Variants in YIF1B observed in about 807,000 individuals in gnomAD.
YIF1B encodes Yip1 interacting factor homolog B, membrane trafficking protein, also known as protein YIF1B.
A neutral mutation model predicts 34.6 loss-of-function variants in YIF1B; 24 were observed. The observed-to-expected ratio is 0.69, with a 90% CI of 0.50 to 0.98. The LOEUF is 0.98. Ranked by LOEUF, YIF1B falls within the 50% of genes least tolerant of loss-of-function variation. The pLI is 0.00. For synonymous variants in YIF1B, 186 were observed against 184.8 expected, an observed-to-expected ratio of 1.01 and a Z score of -0.05; for missense variants, 368 against 429.4, an observed-to-expected ratio of 0.86 and a Z score of 1.26.
chr19:38,304,281 C>G lies in YIF1B; in HGVS notation c.*1071G>C. 6.2e-7 allele frequency: 1 copy of G among 1,613,746 alleles called. No homozygotes were observed. Among genetic ancestry groups the G allele is most frequent in the African/African-American group, 1.3e-5 (1 of 75,066 alleles). On this transcript the variant is annotated 3_prime_UTR_variant, in exon 8 of 8. Coordinates refer to ENST00000339413, the MANE Select transcript of YIF1B (RefSeq NM_001039672.3). ...ACCGCCATGGAGTTCGACCTGGGAG[C>G]AGGTGAGCTCCTGGGGAGTGTGGAC...
chr19:38,320,836 G>A (rs1346746516), upstream of YIF1B, among the ~76,000 whole-genome samples: 2 of 152,110 alleles, frequency 1.3e-5, no homozygotes, highest in Admixed American at 6.6e-5. Flanking sequence ...TGGCATTACA[G>A]GCTTGAGCCA....
At chr19:38,320,009 TGGG>T (rs1238401735), upstream of YIF1B, 4 of 1,490,608 alleles carry the variant, frequency 2.7e-6, no homozygotes, top group African/African-American at 5.9e-5. Context: ...TACCTGGTGC[TGGG>T]CGCGCTGTTG....
At chr19:38,310,978 C>T (rs1262244297) in intron 1 of YIF1B, among the ~76,000 whole-genome samples, 3 of 152,144 alleles carry the variant, frequency 2.0e-5, no homozygotes, top group Admixed American at 2.0e-4. Context: ...CTCCCCCACT[C>T]AACTGTGAGT....
intron 1 of YIF1B, among the ~76,000 whole-genome samples, chr19:38,310,102 A>G (rs189732296): frequency 4.9e-4 from 73 of 149,756 alleles, no homozygotes; most frequent in African/African-American, 1.6e-3. Flanking sequence ...CCACCCATCA[A>G]TCCATCCATT....
In YIF1B at chr19:38,304,593, G is replaced by C; in HGVS notation, c.*759C>G. 1 of 1,612,724 alleles carries C rather than the reference G, an allele frequency of 6.2e-7. No individual in the cohort carries two copies. Among genetic ancestry groups the C allele is most frequent in the Non-Finnish European group, 8.5e-7 (1 of 1,179,758 alleles). On this transcript the variant is annotated 3_prime_UTR_variant, in exon 8 of 8. Coordinates refer to ENST00000339413, the MANE Select transcript of YIF1B (RefSeq NM_001039672.3). ...TCCAACTTCAGGGGGCTGGGTAAGG[G>C]GCGCCGCCTCACTGCCGCACCTCCA...
At chr19:38,309,110 T>C in intron 3 of YIF1B, 53 bp from the exon 4 acceptor site, 1 of 1,556,944 alleles carries the variant, frequency 6.4e-7, no homozygotes, top group East Asian at 2.3e-5. Flanking sequence ...CCTCCCACCC[T>C]GCTACAGGCC....
intron 1 of YIF1B, among the ~76,000 whole-genome samples, chr19:38,314,559 C>T (rs1047721253): frequency 5.3e-5 from 8 of 151,130 alleles, no homozygotes; most frequent in African/African-American, 1.7e-4. Flanking sequence ...GGCTGGGCAC[C>T]GTGACTCATG....
At position 38,305,177 on chromosome 19, in the gene YIF1B, C is replaced by CA; in HGVS notation, c.*174dup. ...CCACGCCCTGGGGCGGTGGCCTGTG[C>CA]AGCTGGAGATCTCTCAGCACCTTGG... On this transcript the variant is annotated 3_prime_UTR_variant, in exon 8 of 8. Transcript: ENST00000339413. 7.3e-7 allele frequency: 1 copy of CA among 1,370,164 alleles called. No individual in the cohort carries two copies. The highest frequency in any genetic ancestry group is 1.5e-5 in the South Asian group (1 of 66,738). The allele number at this position is 1,370,164 out of a possible 1,614,324, so 84.9% of individuals were successfully genotyped here. A position where few individuals can be genotyped will look rare whatever the true frequency, so the allele number is the denominator to read the frequency against.
chr19:38,320,957 C>T (rs75724541), upstream of YIF1B, among the ~76,000 whole-genome samples: 397 of 152,250 alleles, frequency 2.6e-3, 10 homozygotes, highest in East Asian at 0.05. Flanking sequence ...ACCCAGGACA[C>T]GCCACCCTCC....
At chr19:38,313,901 G>A (rs1007828109) in intron 1 of YIF1B, among the ~76,000 whole-genome samples, 9 of 152,350 alleles carry the variant, frequency 5.9e-5, no homozygotes, top group African/African-American at 2.2e-4. Context: ...AACCTCGTCT[G>A]GTTCCTTCTC....
intron 7 of YIF1B, chr19:38,307,154 G>A (rs904944912): frequency 1.7e-5 from 9 of 530,576 alleles, no homozygotes; most frequent in Non-Finnish European, 2.8e-5. Flanking sequence ...CCCATGTAAG[G>A]AGAGTGGAAT....
At chr19:38,316,150 C>T (rs1041742352), upstream of YIF1B, among the ~76,000 whole-genome samples, 2 of 152,156 alleles carry the variant, frequency 1.3e-5, no homozygotes, top group Non-Finnish European at 2.9e-5. Flanking sequence ...GAGTCAAGGC[C>T]TGAGTGGCAG....
chr19:38,319,927 G>A, upstream of YIF1B: 2 of 1,397,100 alleles, frequency 1.4e-6, no homozygotes, highest in Non-Finnish European at 1.8e-6. Flanking sequence ...GCCACCCAGG[G>A]CTCGCGGGGT....
At position 38,305,288 on chromosome 19, in the gene YIF1B, T is replaced by A; in HGVS notation, c.*64A>T. On this transcript the variant is annotated 3_prime_UTR_variant, in exon 8 of 8. Coordinates refer to ENST00000339413, the MANE Select transcript of YIF1B (RefSeq NM_001039672.3). Reference sequence around the variant, plus strand: ...GACCTTGGGGCCTGCAGGCAGGAGATGAGTTCGGCGGCCACAGTGGCCCCC... The same window carrying A: ...GACCTTGGGGCCTGCAGGCAGGAGAAGAGTTCGGCGGCCACAGTGGCCCCC... 5.8e-6 allele frequency: 9 copies of A among 1,558,548 alleles called. 1 individual carries two copies. Among genetic ancestry groups the A allele is most frequent in the Non-Finnish European group, 6.9e-6 (8 of 1,151,228 alleles).
Position 38,305,030 on chromosome 19 carries a change from A to G in YIF1B, c.*322T>C, listed in dbSNP as rs140450497. On this transcript the variant is annotated 3_prime_UTR_variant, in exon 8 of 8. Transcript: ENST00000339413. ...TCTGCGACTGGTCAGCGTGGTGCCT[A>G]CTCTGGCCCGTCCCCAGCTCCCTGC... is the stretch of plus-strand genomic sequence containing the variant. The G allele has an allele frequency of 1.3e-3, 1,998 of 1,547,186 alleles. 23 individuals are homozygous for G. The highest frequency in any genetic ancestry group is 0.011 in the South Asian group (963 of 83,866).
At chr19:38,315,740 T>G in intron 1 of YIF1B, 120 bp downstream of exon 1, 1 of 1,609,782 alleles carries the variant, frequency 6.2e-7, no homozygotes, top group East Asian at 2.2e-5. Context: ...CCCAGCGCTG[T>G]GCACACCTCA....
chr19:38,307,347 C>T (rs1423572426), intron 7 of YIF1B, 81 bp downstream of exon 7: 50 of 1,472,246 alleles, frequency 3.4e-5, no homozygotes, highest in Non-Finnish European at 4.2e-5. Flanking sequence ...CTGAACCCCA[C>T]ACCTGACATC....
chr19:38,319,977 C>T (rs1600419018), upstream of YIF1B: 3 of 1,464,796 alleles, frequency 2.0e-6, no homozygotes, highest in Non-Finnish European at 2.7e-6. Context: ...TTCTGGCGGG[C>T]GCCTTGGCCG....
At chr19:38,310,627 C>T (rs73037346) in intron 1 of YIF1B, among the ~76,000 whole-genome samples, 3,681 of 152,180 alleles carry the variant, frequency 0.024, 59 homozygotes, top group South Asian at 0.046. Flanking sequence ...AAATCCTGTA[C>T]CAAGCCTTTT....
Sources: gnomAD v4.1 joint callset for allele counts (sites outside exome capture counted in the v4.1 genomes callset) on GRCh38, gnomAD v4.1.1 for gene constraint, MANE v1.5 for transcripts, NCBI Gene and HGNC (gene_info 2026-07-23, HGNC 2026-07-21) for gene names.